Variants in ADGRV1 observed in about 807,000 individuals in gnomAD.
ADGRV1 encodes the protein adhesion G protein-coupled receptor V1, also known as G-protein coupled receptor 98.
ADGRV1 carries 359 observed loss-of-function variants against 596.2 expected under a neutral mutation model. The ratio of observed to expected loss-of-function variants is 0.60; its 90% CI spans 0.55 to 0.66. ADGRV1 has a LOEUF of 0.66. ADGRV1 is among the 30% of genes least tolerant of loss of function. The pLI, the probability that ADGRV1 is intolerant of heterozygous loss-of-function variation, is 0.00. For missense variants in ADGRV1, 7,274 were observed against 7,575.6 expected (o/e 0.96, Z 1.48); for synonymous variants, 2,681 against 2,679.2 (o/e 1.00, Z -0.02).
chr5:90,946,399 A>G (rs1776579149), intron 83 of ADGRV1, among the ~76,000 whole-genome samples: 1 of 152,170 alleles, frequency 6.6e-6, no homozygotes, highest in Non-Finnish European at 1.5e-5. Flanking sequence ...ATGAATTGAG[A>G]TTTGAACATA....
At chr5:90,840,440 A>G in intron 77 of ADGRV1, 138 bp from the exon 78 acceptor site, 1 of 620,134 alleles carries the variant, frequency 1.6e-6, no homozygotes, top group Non-Finnish European at 2.7e-6. Flanking sequence ...ATAAAACCCC[A>G]TCTTTAGGTA....
At position 90,929,007 on chromosome 5, in the gene ADGRV1, G is replaced by A. The variant is rs558601026; in HGVS notation, c.17857-36408G>A. ...TGCCCGTTCTCAGATCTCCAGCTGC[G>A]TGCTGGGAGAACCACTGCTCTCTTC... On this transcript the variant is annotated intron_variant, in intron 83 of 89. Coordinates refer to ENST00000405460, the MANE Select transcript of ADGRV1 (RefSeq NM_032119.4). Among the ~76,000 whole-genome samples the A allele has an allele frequency of 1.0e-3, 148 of 146,738 alleles. 3 individuals carry two copies. Among genetic ancestry groups the A allele is most frequent in the Middle Eastern group, 3.5e-3 (1 of 288 alleles).
chr5:91,133,279 A>G (rs533719891), intron 87 of ADGRV1, among the ~76,000 whole-genome samples: 6 of 152,318 alleles, frequency 3.9e-5, no homozygotes, highest in Middle Eastern at 3.4e-3. Context: ...AGACTTGGTG[A>G]TAGATTGGAC....
chr5:90,987,065 A>G (rs1214443470), intron 85 of ADGRV1, among the ~76,000 whole-genome samples: 1 of 152,226 alleles, frequency 6.6e-6, no homozygotes, highest in Admixed American at 6.5e-5. Context: ...GAATGTCCAA[A>G]TGAGCTTACT....
At chr5:90,748,506 AC>A (rs1358399746) in intron 52 of ADGRV1, among the ~76,000 whole-genome samples, 4 of 152,178 alleles carry the variant, frequency 2.6e-5, no homozygotes, top group Admixed American at 2.6e-4. Context: ...ACACTTATAG[AC>A]TAGCTACACT....
At chr5:90,799,076 G>A (rs1287199682) in intron 70 of ADGRV1, among the ~76,000 whole-genome samples, 2 of 152,124 alleles carry the variant, frequency 1.3e-5, no homozygotes, top group Non-Finnish European at 2.9e-5. Context: ...GTTCTGGCCA[G>A]GGCAATCAGA....
intron 36 of ADGRV1, 105 bp from the exon 37 acceptor site, chr5:90,705,295 A>G: frequency 2.2e-6 from 2 of 907,214 alleles, no homozygotes; most frequent in Non-Finnish European, 3.4e-6. Flanking sequence ...AGAGAAGTAA[A>G]TAGAACACTT....
Position 90,996,592 on chromosome 5 carries a change from G to A in ADGRV1, c.18152+11070G>A, listed in dbSNP as rs529941447. 4.3e-4 allele frequency among the ~76,000 whole-genome samples: 65 copies of A among 152,278 alleles called. No individual in the cohort carries two copies. The East Asian group carries it at 7.1e-3, about 17-fold the overall frequency. On this transcript the variant is annotated intron_variant, in intron 85 of 89. Coordinates refer to ENST00000405460, the MANE Select transcript of ADGRV1 (RefSeq NM_032119.4). ...AGGGGAAATGTGGGGTTGGAGTCCC[G>A]ACACAGAGTCCCTACTGGGACACTG...
At chr5:90,837,423 T>G (rs906551414) in intron 77 of ADGRV1, among the ~76,000 whole-genome samples, 1 of 150,462 alleles carries the variant, frequency 6.6e-6, no homozygotes, top group African/African-American at 2.4e-5. Context: ...CTGGCTGGAG[T>G]GCAATGGTGC....
intron 83 of ADGRV1, among the ~76,000 whole-genome samples, chr5:90,948,209 AG>A (rs1776760099): frequency 6.6e-6 from 1 of 152,250 alleles, no homozygotes; most frequent in Admixed American, 6.5e-5. Flanking sequence ...ATTTGAATCC[AG>A]GAGTCTGGTT....
intron 87 of ADGRV1, among the ~76,000 whole-genome samples, chr5:91,103,559 A>G (rs1273556287): frequency 6.6e-6 from 1 of 151,954 alleles, no homozygotes; most frequent in Non-Finnish European, 1.5e-5. Flanking sequence ...ACAAGGTCCA[A>G]ACTGACAGCC....
At chr5:90,785,443 C>A (rs1451692951) in intron 67 of ADGRV1, among the ~76,000 whole-genome samples, 2 of 152,136 alleles carry the variant, frequency 1.3e-5, no homozygotes, top group Admixed American at 1.3e-4. Context: ...CAAGGCAAAA[C>A]AGACTACCAT....
intron 86 of ADGRV1, among the ~76,000 whole-genome samples, chr5:91,088,330 A>C (rs1347930923): frequency 6.6e-6 from 1 of 152,168 alleles, no homozygotes; most frequent in African/African-American, 2.4e-5. Context: ...ATAAATATTT[A>C]ATCCATGGTT....
At chr5:90,588,554 C>T (rs1467297632) in intron 1 of ADGRV1, among the ~76,000 whole-genome samples, 2 of 152,118 alleles carry the variant, frequency 1.3e-5, no homozygotes, top group South Asian at 2.1e-4. Flanking sequence ...AGAAGTGATA[C>T]GTCCCATGAC....
chr5:90,600,923 A>G (rs1295591618), intron 1 of ADGRV1, among the ~76,000 whole-genome samples: 1 of 152,186 alleles, frequency 6.6e-6, no homozygotes, highest in Non-Finnish European at 1.5e-5. Flanking sequence ...AACATTCAAA[A>G]TATCCTTTCA....
At chr5:90,802,146 T>C (rs1761442622) in intron 70 of ADGRV1, among the ~76,000 whole-genome samples, 1 of 152,184 alleles carries the variant, frequency 6.6e-6, no homozygotes, top group Admixed American at 6.5e-5. Flanking sequence ...GCTACTGTCA[T>C]TGGTGAAGCC....
intron 74 of ADGRV1, among the ~76,000 whole-genome samples, chr5:90,813,008 C>T (rs1680897743): frequency 1.3e-5 from 2 of 151,080 alleles, no homozygotes; most frequent in African/African-American, 4.9e-5. Flanking sequence ...TGGCAGGCAC[C>T]TGTCGTCCCA....
chr5:91,124,047 A>G (rs1793546661), intron 87 of ADGRV1, among the ~76,000 whole-genome samples: 2 of 152,196 alleles, frequency 1.3e-5, no homozygotes, highest in Admixed American at 1.3e-4. Context: ...ACGTTTGAGA[A>G]GGCCATTAAT....
At chr5:90,841,635 T>C (rs1561833621) in intron 78 of ADGRV1, among the ~76,000 whole-genome samples, 1 of 151,992 alleles carries the variant, frequency 6.6e-6, no homozygotes, top group Non-Finnish European at 1.5e-5. Flanking sequence ...AAGTTATTAC[T>C]TAAAAAAAAA....
Sources: allele counts gnomAD v4.1 joint callset (sites outside exome capture counted in the v4.1 genomes callset), GRCh38; gene constraint gnomAD v4.1.1; transcripts MANE v1.5; gene names NCBI Gene and HGNC (gene_info 2026-07-23, HGNC 2026-07-21).